Variants in BICDL1 observed in about 807,000 individuals in gnomAD.
BICDL1 encodes BICD family-like cargo adapter 1.
BICDL1 carries 20 observed loss-of-function variants against 76.8 expected under a neutral mutation model. That is an observed-to-expected ratio of 0.26 (90% CI 0.18 to 0.38). BICDL1 has a LOEUF of 0.38. Ranked by LOEUF, BICDL1 falls within the 10% of genes least tolerant of loss-of-function variation. The probability of loss-of-function intolerance (pLI) is 1.00; values close to 1 mark genes in which losing one functional copy is unlikely to be tolerated. For missense variants in BICDL1, 700 were observed against 798.6 expected (o/e 0.88, Z 1.49); for synonymous variants, 383 against 337.1 (o/e 1.14, Z -1.49).
intron 6 of BICDL1, among the ~76,000 whole-genome samples, chr12:120,073,930 G>GT (rs1243386858): frequency 6.6e-6 from 1 of 151,968 alleles, no homozygotes; most frequent in Non-Finnish European, 1.5e-5. Context: ...TTTGTTTTTT[G>GT]TTTTTTTGAG....
chr12:119,997,892 G>GA (rs746644220), intron 1 of BICDL1, among the ~76,000 whole-genome samples: 8 of 152,104 alleles, frequency 5.3e-5, no homozygotes, highest in Admixed American at 1.3e-4. Context: ...GGGCCGGGGG[G>GA]ATCACGAGGT....
rs949180274 is a variant in BICDL1 at position 119,990,075 on chromosome 12, G to A, written c.207G>A (p.Pro69=). Reference sequence around the variant, plus strand: ...CGCTGCTGGCGGCCGGGGAGCGGCCGTCCGACCCCGGGGAACACCCTCAGG... The same window carrying A: ...CGCTGCTGGCGGCCGGGGAGCGGCCATCCGACCCCGGGGAACACCCTCAGG... ...ELALLAAGER[P]SDPGEHPQAE... The change falls in exon 1 of 10, where the codon CCG becomes CCA. Residue 69 remains proline, a synonymous_variant. Transcript: ENST00000548673. 1.2e-5 allele frequency: 18 copies of A among 1,537,942 alleles called. No individual in the cohort carries two copies. Among genetic ancestry groups the A allele is most frequent in the Non-Finnish European group, 1.6e-5 (18 of 1,143,246 alleles).
chr12:119,989,411 C>T lies in BICDL1; in HGVS notation c.-458C>T, dbSNP rs1480944053. 6.6e-6 allele frequency among the ~76,000 whole-genome samples: 1 copy of T among 150,752 alleles called. No homozygotes were observed. The highest frequency in any genetic ancestry group is 2.4e-5 in the African/African-American group (1 of 41,288). The stretch of plus-strand genomic sequence containing the variant: ...ACAGCAGCAGCAGCAGGAAGCGTCG[C>T]GGCGACAGCGGAGCGCAGCCCGCCC... On this transcript the variant is annotated 5_prime_UTR_variant, in exon 1 of 10. Transcript: ENST00000548673.
At chr12:119,997,843 C>T (rs945575533) in intron 1 of BICDL1, among the ~76,000 whole-genome samples, 3 of 152,048 alleles carry the variant, frequency 2.0e-5, no homozygotes, top group African/African-American at 2.4e-5. Flanking sequence ...GGGTGGGGCA[C>T]GGTGGCTCAC....
intron 8 of BICDL1, among the ~76,000 whole-genome samples, chr12:120,084,734 A>G (rs1025165963): frequency 1.3e-5 from 2 of 152,006 alleles, no homozygotes; most frequent in African/African-American, 4.8e-5. Context: ...TACTAAAAAT[A>G]CAACAATTAG....
At position 119,989,474 on chromosome 12, in the gene BICDL1, A is replaced by AGCAGCG. The variant is rs1555277962; in HGVS notation, c.-385_-380dup. Among the ~76,000 whole-genome samples, 166 of 149,604 alleles carry AGCAGCG rather than the reference A, an allele frequency of 1.1e-3. No individual in the cohort carries two copies. The highest frequency in any genetic ancestry group is 2.4e-3 in the East Asian group (12 of 5,048). On this transcript the variant is annotated 5_prime_UTR_variant, in exon 1 of 10. Transcript: ENST00000548673. Reference sequence around the variant, plus strand: ...CCCGGCCGGCGGCGGCAGCAGCAGCAGCAGCGGCAGCGGCAACAGGGCGGC... The same window carrying AGCAGCG: ...CCCGGCCGGCGGCGGCAGCAGCAGCAGCAGCGGCAGCGGCAGCGGCAACAGGGCGGC...
intron 2 of BICDL1, among the ~76,000 whole-genome samples, chr12:120,013,002 T>TA (rs1566214832): frequency 6.6e-6 from 1 of 152,160 alleles, no homozygotes; most frequent in Non-Finnish European, 1.5e-5. Context: ...GTCAAACTCT[T>TA]AATTTATCTA....
At position 120,071,668 on chromosome 12, in the gene BICDL1, G is replaced by A. The variant is rs199815555; in HGVS notation, c.956G>A (p.Arg319Gln). Residue 319 changes from arginine to glutamine, a missense_variant, in exon 5 of 10, where the codon CGA becomes CAA. Physicochemically the swap from Arg to Gln is conservative, Grantham distance 43. This residue lies in a region of BICDL1 where 455 missense variants were observed against 548.7 expected (regional missense o/e 0.83). Coordinates refer to ENST00000548673, the MANE Select transcript of BICDL1 (RefSeq NM_001367886.1). The surrounding 1 kb of genome is among the most constrained non-coding windows in gnomAD (Gnocchi z 4.8). ...LELQEVRLSC[R>Q]QLQVKVEELT... ...CTTCAGGAGGTGCGTCTCTCCTGCCGACAGCTGCAGGTGAAGGTGGAAGAA... is the reference window on the plus strand; with the variant it reads ...CTTCAGGAGGTGCGTCTCTCCTGCCAACAGCTGCAGGTGAAGGTGGAAGAA... 19 of 1,612,446 alleles carry A rather than the reference G, an allele frequency of 1.2e-5. No homozygotes were observed. The highest frequency in any genetic ancestry group is 7.7e-5 in the South Asian group (7 of 90,868).
Position 120,012,600 on chromosome 12 carries a change from G to C in BICDL1, c.645+13864G>C, listed in dbSNP as rs368185635. Among the ~76,000 whole-genome samples, 29 of 152,278 alleles carry C rather than the reference G, an allele frequency of 1.9e-4. No homozygotes were observed. In the South Asian group the frequency reaches 5.8e-3, roughly 31 times the overall value. On this transcript the variant is annotated intron_variant, in intron 2 of 9. Transcript: ENST00000548673. The stretch of plus-strand genomic sequence containing the variant: ...CGGGCAAGATGTAACTATGATGTCA[G>C]AGATGTTTTAGCATATGTCTTTCCC...
intron 8 of BICDL1, among the ~76,000 whole-genome samples, 160 bp downstream of exon 8, chr12:120,081,177 TCTC>T (rs1873952518): frequency 2.7e-5 from 1 of 37,550 alleles, no homozygotes; most frequent in Non-Finnish European, 5.1e-5. Context: ...CCATTCCCAT[TCTC>T]CTCCCCAGAC....
At chr12:120,027,749 G>T (rs981788611) in intron 2 of BICDL1, among the ~76,000 whole-genome samples, 4 of 152,114 alleles carry the variant, frequency 2.6e-5, no homozygotes, top group Admixed American at 2.0e-4. Context: ...TTTCTCTTGG[G>T]TATAGTGTAG....
rs943320879 is a variant in BICDL1, at chr12:120,001,366, C to A, written c.645+2630C>A. Among the ~76,000 whole-genome samples, 48 of 152,156 alleles carry A rather than the reference C, an allele frequency of 3.2e-4. 2 individuals are homozygous for A. The highest frequency in any genetic ancestry group is 4.4e-5 in the Non-Finnish European group (3 of 68,036). ...GGTTCATGACATTCTCTTGCCTCAGCCTCCCAAGTAGCTGGGACTACAGGC... is the reference window on the plus strand; with the variant it reads ...GGTTCATGACATTCTCTTGCCTCAGACTCCCAAGTAGCTGGGACTACAGGC... On this transcript the variant is annotated intron_variant, in intron 2 of 9. Coordinates refer to ENST00000548673, the MANE Select transcript of BICDL1 (RefSeq NM_001367886.1).
At chr12:120,091,334 C>A (rs1874948049) in intron 9 of BICDL1, 1 of 1,009,334 alleles carries the variant, frequency 9.9e-7, no homozygotes, top group Admixed American at 5.4e-5. Context: ...CCTGGACAGA[C>A]CTGATTGCTT....
chr12:120,068,470 A>G (rs1872824908), intron 4 of BICDL1, among the ~76,000 whole-genome samples: 1 of 152,194 alleles, frequency 6.6e-6, no homozygotes, highest in South Asian at 2.1e-4. Flanking sequence ...CAATTCTGCA[A>G]CTAGGGTCTG....
At chr12:120,027,027 C>CTTTTT (rs10606114) in intron 2 of BICDL1, among the ~76,000 whole-genome samples, 8 of 118,082 alleles carry the variant, frequency 6.8e-5, no homozygotes, top group East Asian at 2.3e-4. Context: ...GATGTAATTT[C>CTTTTT]TTTTTTTTTT....
chr12:120,075,429 T>C (rs763824057), intron 7 of BICDL1, among the ~76,000 whole-genome samples: 1 of 151,726 alleles, frequency 6.6e-6, no homozygotes, highest in Non-Finnish European at 1.5e-5. Context: ...AGGGTTTCAC[T>C]CTTGCCCAGG....
intron 1 of BICDL1, among the ~76,000 whole-genome samples, chr12:119,990,999 C>T (rs556197233): frequency 6.6e-6 from 1 of 152,198 alleles, no homozygotes; most frequent in African/African-American, 2.4e-5. Context: ...ACTTTAACTT[C>T]TGTTATAAAA....
At chr12:119,995,469 C>T (rs552304009) in intron 1 of BICDL1, among the ~76,000 whole-genome samples, 131 of 152,314 alleles carry the variant, frequency 8.6e-4, no homozygotes, top group Non-Finnish European at 1.5e-3. Flanking sequence ...GGGCTCTTCA[C>T]TAACAGCTGT....
chr12:120,039,161 G>A (rs910197495), intron 2 of BICDL1, among the ~76,000 whole-genome samples: 10 of 151,718 alleles, frequency 6.6e-5, no homozygotes, highest in African/African-American at 2.4e-4. Flanking sequence ...GCCAGGCATG[G>A]TGGCGGGTGT....
Sources: gnomAD v4.1 joint callset for allele counts (sites outside exome capture counted in the v4.1 genomes callset) on GRCh38, gnomAD v4.1.1 for gene constraint, gnomAD v4.1.1 regional missense constraint, Gnocchi (gnomAD v3.1) non-coding constraint, MANE v1.5 for transcripts, NCBI Gene and HGNC (gene_info 2026-07-23, HGNC 2026-07-21) for gene names.